KLHL2: variants seen among roughly 807,000 people sequenced by gnomAD.
The protein encoded by KLHL2 is kelch-like protein 2.
A neutral mutation model predicts 75.8 loss-of-function variants in KLHL2; 15 were observed. The ratio of observed to expected loss-of-function variants is 0.20; its 90% CI spans 0.13 to 0.30. The LOEUF (loss-of-function observed/expected upper bound fraction) is 0.30. Among genes scored for constraint, KLHL2 ranks in the 10% least tolerant of loss-of-function variants. The pLI is 1.00. For missense variants in KLHL2, 381 were observed against 741.0 expected, an observed-to-expected ratio of 0.51 and a Z score of 5.64; for synonymous variants, 214 against 251.9, an observed-to-expected ratio of 0.85 and a Z score of 1.42.
chr4:165,282,140 A>G (rs1743742222), intron 5 of KLHL2, among the ~76,000 whole-genome samples: 1 of 152,234 alleles, frequency 6.6e-6, no homozygotes, highest in South Asian at 2.1e-4. Flanking sequence ...GATCATAGAT[A>G]TGGGAACTAA....
chr4:165,281,665 T>C (rs781127731), intron 5 of KLHL2, among the ~76,000 whole-genome samples: 1 of 152,192 alleles, frequency 6.6e-6, no homozygotes, highest in Non-Finnish European at 1.5e-5. Flanking sequence ...CTGTCTTTCA[T>C]TTCATGATTA....
At chr4:165,321,600 C>T (rs779792382) in intron 14 of KLHL2, among the ~76,000 whole-genome samples, 1 of 152,050 alleles carries the variant, frequency 6.6e-6, no homozygotes, top group Non-Finnish European at 1.5e-5. Flanking sequence ...TTTTTGACTG[C>T]GTGGAGGGTC....
At chr4:165,219,594 A>G (rs1299681066) in intron 1 of KLHL2, 2 of 720,344 alleles carry the variant, frequency 2.8e-6, no homozygotes. Flanking sequence ...TGACTATAGA[A>G]GTTTGTAAAA....
chr4:165,322,218 A>G lies in KLHL2; in HGVS notation c.*158A>G. 1 of 676,924 alleles carries G rather than the reference A, an allele frequency of 1.5e-6. No homozygotes were observed. The highest frequency in any genetic ancestry group is 2.5e-6 in the Non-Finnish European group (1 of 393,752). 41.9% of individuals were successfully genotyped at this position (676,924 alleles called of 1,614,324 possible). ...CCTTTATAGGCCTCAGATACTGAAG[A>G]TTATTTTTGGTAGAAGCACCGTGTA... is the stretch of plus-strand genomic sequence containing the variant. On this transcript the variant is annotated 3_prime_UTR_variant, in exon 15 of 15. Transcript: ENST00000226725.
At chr4:165,314,659 C>G (rs982916361) in intron 13 of KLHL2, among the ~76,000 whole-genome samples, 6 of 152,006 alleles carry the variant, frequency 3.9e-5, no homozygotes, top group Non-Finnish European at 2.9e-5. Context: ...TAATACAGTT[C>G]AGGATTTCCA....
intron 5 of KLHL2, among the ~76,000 whole-genome samples, chr4:165,266,989 A>AT (rs1560786426): frequency 6.6e-6 from 1 of 151,830 alleles, no homozygotes; most frequent in South Asian, 2.1e-4. Flanking sequence ...GTCCTCTTTT[A>AT]TTTTTTTGAG....
At chr4:165,293,608 A>G (rs927573603) in intron 5 of KLHL2, among the ~76,000 whole-genome samples, 5 of 148,158 alleles carry the variant, frequency 3.4e-5, no homozygotes, top group African/African-American at 1.3e-4. Context: ...GTTCATTGCC[A>G]TTCTCCTGCC....
At chr4:165,244,262 T>TG (rs1448763198) in intron 4 of KLHL2, among the ~76,000 whole-genome samples, 1 of 152,254 alleles carries the variant, frequency 6.6e-6, no homozygotes, top group Non-Finnish European at 1.5e-5. Context: ...CACATTTCAT[T>TG]GAATTCATTT....
chr4:165,207,904 T>G lies in KLHL2; in HGVS notation c.26+2T>G. On this transcript the variant is annotated splice_donor_variant, in intron 1 of 14. Transcript: ENST00000226725. LOFTEE classifies it high-confidence loss of function. This position sits in a 1 kb window ranked among gnomAD's most constrained non-coding sequence, Gnocchi z 4.2. ...GGAGACGCCGCCGCTGCCTCCCGCG[T>G]GAGTGAGCGGGCGGGCGGGCTGCGC... 1 of 1,429,684 alleles carries G rather than the reference T, an allele frequency of 7.0e-7. No individual in the cohort carries two copies. The highest frequency in any genetic ancestry group is 2.5e-5 in the Admixed American group (1 of 40,194). 88.6% of individuals were successfully genotyped at this position (1,429,684 alleles called of 1,614,324 possible).
chr4:165,258,395 C>CAA (rs56083222), intron 4 of KLHL2, among the ~76,000 whole-genome samples: 13 of 105,496 alleles, frequency 1.2e-4, no homozygotes, highest in East Asian at 3.7e-4. Context: ...TTAACTATGA[C>CAA]AAAAAAAAAA....
intron 5 of KLHL2, among the ~76,000 whole-genome samples, chr4:165,284,086 T>C (rs2126438441): frequency 6.6e-6 from 1 of 152,238 alleles, no homozygotes; most frequent in East Asian, 1.9e-4. Flanking sequence ...CACTTTTTCC[T>C]CCTAGGCCTC....
chr4:165,312,058 A>G (rs1006297071), intron 11 of KLHL2, among the ~76,000 whole-genome samples: 1 of 152,104 alleles, frequency 6.6e-6, no homozygotes, highest in African/African-American at 2.4e-5. Context: ...TGCACAACCT[A>G]GGTCCCTCAA....
intron 5 of KLHL2, chr4:165,279,088 C>A (rs746967146): frequency 1.3e-5 from 21 of 1,569,534 alleles, no homozygotes; most frequent in Non-Finnish European, 1.8e-5. Flanking sequence ...CGCCTCCTGT[C>A]AAACTCCAAA....
intron 5 of KLHL2, among the ~76,000 whole-genome samples, 165 bp from the exon 6 acceptor site, chr4:165,294,192 GTC>G (rs1464819184): frequency 2.6e-5 from 4 of 152,214 alleles, no homozygotes; most frequent in Admixed American, 2.6e-4. Context: ...ATCCCCAGGT[GTC>G]TCTGAGTTTG....
At chr4:165,259,207 A>G (rs1195931710) in intron 4 of KLHL2, among the ~76,000 whole-genome samples, 1 of 151,932 alleles carries the variant, frequency 6.6e-6, no homozygotes, top group Non-Finnish European at 1.5e-5. Flanking sequence ...GGTTCAAGCA[A>G]TTCTCCTTCC....
intron 5 of KLHL2, among the ~76,000 whole-genome samples, chr4:165,264,757 TATATATATA>T (rs1742100076): frequency 3.4e-5 from 3 of 88,906 alleles, no homozygotes; most frequent in South Asian, 3.2e-4. Flanking sequence ...TATATATATA[TATATATATA>T]AAACATTATC....
intron 4 of KLHL2, among the ~76,000 whole-genome samples, chr4:165,239,362 A>G (rs1256000650): frequency 1.3e-5 from 2 of 151,094 alleles, no homozygotes; most frequent in African/African-American, 4.9e-5. Flanking sequence ...TCCTAGGCTC[A>G]AGGAGTCCTC....
chr4:165,300,756 T>C (rs1330076940), intron 8 of KLHL2, among the ~76,000 whole-genome samples: 1 of 152,204 alleles, frequency 6.6e-6, no homozygotes, highest in African/African-American at 2.4e-5. Context: ...TATTTTTAAC[T>C]CTTGTATATG....
intron 5 of KLHL2, among the ~76,000 whole-genome samples, chr4:165,285,788 TAGAG>T (rs1212448198): frequency 2.0e-5 from 3 of 150,568 alleles, no homozygotes; most frequent in Non-Finnish European, 4.4e-5. Context: ...AATCACATAA[TAGAG>T]GGAGGGAGGC....
Sources: allele counts gnomAD v4.1 joint callset (sites outside exome capture counted in the v4.1 genomes callset), GRCh38; gene constraint gnomAD v4.1.1; non-coding constraint Gnocchi (gnomAD v3.1); transcripts MANE v1.5; gene names NCBI Gene and HGNC (gene_info 2026-07-23, HGNC 2026-07-21).